UBE2E2: variants seen among roughly 807,000 people sequenced by gnomAD.
UBE2E2 encodes ubiquitin conjugating enzyme E2 E2.
Under a neutral mutation model 24.7 loss-of-function variants are expected in UBE2E2, and 6 were observed. The ratio of observed to expected loss-of-function variants is 0.24; its 90% CI spans 0.13 to 0.48. UBE2E2 has a LOEUF of 0.48. Among genes scored for constraint, UBE2E2 ranks in the 20% least tolerant of loss-of-function variants. UBE2E2 has a pLI of 0.99. For missense variants in UBE2E2, 169 were observed against 245.0 expected (o/e 0.69, Z 2.07); for synonymous variants, 104 against 83.6 (o/e 1.24, Z -1.33).
At chr3:23,435,914 G>A (rs1460630064) in intron 3 of UBE2E2, among the ~76,000 whole-genome samples, 2 of 152,122 alleles carry the variant, frequency 1.3e-5, no homozygotes, top group Non-Finnish European at 1.5e-5. Context: ...GGCGGGGCAG[G>A]CTGGTTTGGG....
chr3:23,313,798 T>G (rs1055533812), intron 3 of UBE2E2, among the ~76,000 whole-genome samples: 3 of 152,152 alleles, frequency 2.0e-5, no homozygotes, highest in African/African-American at 7.2e-5. Flanking sequence ...GTTTTGTTAC[T>G]TGTTTTCTGG....
chr3:23,503,509 G>A (rs528351409), intron 4 of UBE2E2, among the ~76,000 whole-genome samples: 1 of 151,930 alleles, frequency 6.6e-6, no homozygotes, highest in Non-Finnish European at 1.5e-5. Context: ...TTTACATTTT[G>A]CTGGGGATTA....
At chr3:23,497,982 A>G (rs1050052623) in intron 3 of UBE2E2, among the ~76,000 whole-genome samples, 32 of 152,314 alleles carry the variant, frequency 2.1e-4, no homozygotes, top group African/African-American at 6.5e-4. Context: ...TTGCATTTGC[A>G]TTTTGTAAAA....
intron 3 of UBE2E2, among the ~76,000 whole-genome samples, chr3:23,293,353 G>T (rs1382764429): frequency 6.6e-6 from 1 of 152,058 alleles, no homozygotes; most frequent in African/African-American, 2.4e-5. Context: ...CTTCATTTAG[G>T]ACTTGCCAAA....
At chr3:23,394,592 AAGG>A (rs1408470312) in intron 3 of UBE2E2, among the ~76,000 whole-genome samples, 1 of 152,158 alleles carries the variant, frequency 6.6e-6, no homozygotes, top group Non-Finnish European at 1.5e-5. Context: ...GATTCTAGAG[AAGG>A]AAGTACAGAG....
chr3:23,462,835 C>A (rs1013611648), intron 3 of UBE2E2, among the ~76,000 whole-genome samples: 4 of 152,080 alleles, frequency 2.6e-5, no homozygotes, highest in African/African-American at 9.7e-5. Context: ...GCTCTGGAAC[C>A]CCACTTATCA....
At chr3:23,313,846 C>G (rs568121877) in intron 3 of UBE2E2, among the ~76,000 whole-genome samples, 1 of 152,074 alleles carries the variant, frequency 6.6e-6, no homozygotes, top group East Asian at 1.9e-4. Flanking sequence ...TCCTGCCTTC[C>G]TGCCTTCCTT....
At chr3:23,415,169 G>A (rs1047149486) in intron 3 of UBE2E2, among the ~76,000 whole-genome samples, 3 of 152,052 alleles carry the variant, frequency 2.0e-5, no homozygotes, top group South Asian at 4.1e-4. Context: ...TTTTTTATGC[G>A]TATAGATGAA....
At chr3:23,547,381 T>A (rs1389296703) in intron 5 of UBE2E2, among the ~76,000 whole-genome samples, 1 of 152,246 alleles carries the variant, frequency 6.6e-6, no homozygotes, top group African/African-American at 2.4e-5. Context: ...ATTAAGTAGC[T>A]GACTATGGTC....
chr3:23,523,421 G>C (rs1246719477), intron 4 of UBE2E2, among the ~76,000 whole-genome samples: 2 of 152,138 alleles, frequency 1.3e-5, no homozygotes, highest in Admixed American at 6.5e-5. Flanking sequence ...TGGCATAAAG[G>C]TCTTTTGTTT....
chr3:23,339,287 G>A (rs1695314294), intron 3 of UBE2E2, among the ~76,000 whole-genome samples: 1 of 152,084 alleles, frequency 6.6e-6, no homozygotes, highest in Admixed American at 6.5e-5. Context: ...CCAGATTAAA[G>A]GAAACCAAAG....
intron 2 of UBE2E2, among the ~76,000 whole-genome samples, chr3:23,216,786 A>G (rs920067786): frequency 3.3e-5 from 5 of 152,144 alleles, no homozygotes; most frequent in African/African-American, 9.7e-5. Flanking sequence ...AACCTGGTCC[A>G]AATTAGAGGC....
chr3:23,271,641 C>A (rs557352211), intron 3 of UBE2E2, among the ~76,000 whole-genome samples: 1 of 152,308 alleles, frequency 6.6e-6, no homozygotes, highest in Admixed American at 6.5e-5. Flanking sequence ...GAGCTAGACA[C>A]AGAGTGCTGA....
chr3:23,472,108 A>T (rs565954890), intron 3 of UBE2E2, among the ~76,000 whole-genome samples: 4 of 152,222 alleles, frequency 2.6e-5, no homozygotes, highest in Non-Finnish European at 5.9e-5. Flanking sequence ...TTTACATGAT[A>T]TCCGAAAGGA....
rs905523036 is a variant in UBE2E2, at chr3:23,499,838, T to A, written c.360+98T>A. The A allele has an allele frequency of 2.4e-5, 33 of 1,368,588 alleles. No individual in the cohort carries two copies. In the South Asian group the frequency reaches 4.4e-4, roughly 18 times the overall value. The allele number at this position is 1,368,588 out of a possible 1,614,324, so 84.8% of individuals were successfully genotyped here. On this transcript the variant is annotated intron_variant, in intron 4 of 5. Coordinates refer to ENST00000396703, the MANE Select transcript of UBE2E2 (RefSeq NM_152653.4). ...ATGCATTCTAGGGATGCATGTCTAT[T>A]CTGTTGTCACAGACAGCTTCCCAGG...
At chr3:23,456,515 A>G (rs1384611776) in intron 3 of UBE2E2, among the ~76,000 whole-genome samples, 5 of 152,206 alleles carry the variant, frequency 3.3e-5, no homozygotes, top group Non-Finnish European at 7.3e-5. Flanking sequence ...GGGCTACAGA[A>G]TGGTTGTTGA....
chr3:23,413,898 G>C (rs1162291778), intron 3 of UBE2E2, among the ~76,000 whole-genome samples: 1 of 152,160 alleles, frequency 6.6e-6, no homozygotes, highest in East Asian at 1.9e-4. Context: ...GCATTCAAGA[G>C]ATCAGTATGA....
At chr3:23,527,852 T>A (rs1695035181) in intron 4 of UBE2E2, among the ~76,000 whole-genome samples, 1 of 152,076 alleles carries the variant, frequency 6.6e-6, no homozygotes, top group African/African-American at 2.4e-5. Context: ...GCTCGTACCT[T>A]ACCTTATGCT....
intron 4 of UBE2E2, among the ~76,000 whole-genome samples, chr3:23,515,819 G>GA: frequency 6.7e-6 from 1 of 149,658 alleles, no homozygotes; most frequent in Middle Eastern, 3.5e-3. Flanking sequence ...AAAAAGAAAA[G>GA]AAAAAACGAG....
Sources: gnomAD v4.1 joint callset for allele counts (sites outside exome capture counted in the v4.1 genomes callset) on GRCh38, gnomAD v4.1.1 for gene constraint, MANE v1.5 for transcripts, NCBI Gene and HGNC (gene_info 2026-07-23, HGNC 2026-07-21) for gene names.